COBL: variants seen among roughly 807,000 people sequenced by gnomAD.
COBL encodes protein cordon-bleu.
COBL carries 51 observed loss-of-function variants against 98.8 expected under a neutral mutation model. That is an observed-to-expected ratio of 0.52 (90% CI 0.41 to 0.65). COBL has a LOEUF of 0.65. COBL is among the 30% of genes least tolerant of loss of function. The pLI, the probability that COBL is intolerant of heterozygous loss-of-function variation, is 0.00. For synonymous variants in COBL, 634 were observed against 651.7 expected (o/e 0.97, Z 0.41); for missense variants, 1,617 against 1,617.5 (o/e 1.00, Z 0.01).
chr7:51,254,793 G>GA (rs1188561114), intron 1 of COBL, among the ~76,000 whole-genome samples: 19 of 152,162 alleles, frequency 1.2e-4, no homozygotes, highest in Admixed American at 7.9e-4. Context: ...TGCATAAGGT[G>GA]AAAAACATCA....
intron 1 of COBL, among the ~76,000 whole-genome samples, chr7:51,262,999 C>T (rs1797853256): frequency 6.6e-6 from 1 of 152,174 alleles, no homozygotes; most frequent in Non-Finnish European, 1.5e-5. Context: ...ACGGACGAGC[C>T]TCGTCTCCAC....
At chr7:51,147,811 C>T (rs940569027) in intron 5 of COBL, among the ~76,000 whole-genome samples, 16 of 150,744 alleles carry the variant, frequency 1.1e-4, no homozygotes, top group African/African-American at 3.4e-4. Context: ...AGTGCAGTGG[C>T]GCGATCTCGG....
chr7:51,086,832 T>C (rs896774320), intron 6 of COBL, among the ~76,000 whole-genome samples: 3 of 152,200 alleles, frequency 2.0e-5, no homozygotes, highest in Non-Finnish European at 2.9e-5. Context: ...CCTTCTGTTA[T>C]AGTATATTAT....
chr7:51,028,009 A>T lies in COBL; in HGVS notation c.3087T>A (p.Thr1029=). 3 of 1,602,808 alleles carry T rather than the reference A, an allele frequency of 1.9e-6. No individual in the cohort carries two copies. In the South Asian group the frequency reaches 3.4e-5, roughly 18 times the overall value. Reference sequence around the variant, plus strand: ...TGACCAGCTCCCTGCTGCAGGCCTGAGTGTCAGATGTGTGTGGAGGGGGTG... The same window carrying T: ...TGACCAGCTCCCTGCTGCAGGCCTGTGTGTCAGATGTGTGTGGAGGGGGTG... The part of the protein sequence containing the change: ...TDPPPPHTSD[T]QACSRELVNG... The change falls in exon 10 of 13, where the codon ACT becomes ACA. Residue 1029 remains threonine (T), a synonymous_variant. Coordinates refer to ENST00000265136, the MANE Select transcript of COBL (RefSeq NM_015198.5).
At chr7:51,088,422 T>G (rs1300990625) in intron 6 of COBL, among the ~76,000 whole-genome samples, 1 of 152,152 alleles carries the variant, frequency 6.6e-6, no homozygotes, top group Non-Finnish European at 1.5e-5. Flanking sequence ...TTTTTTGTTT[T>G]TAATTTCCAA....
At chr7:51,208,030 T>C (rs1473190162) in intron 2 of COBL, among the ~76,000 whole-genome samples, 1 of 148,420 alleles carries the variant, frequency 6.7e-6, no homozygotes, top group African/African-American at 2.5e-5. Context: ...GTGAGGAGCA[T>C]CTCTGCCTGG....
At chr7:51,299,603 C>G (rs1435765229) in intron 1 of COBL, among the ~76,000 whole-genome samples, 1 of 152,148 alleles carries the variant, frequency 6.6e-6, no homozygotes, top group Non-Finnish European at 1.5e-5. Flanking sequence ...GGCTGGCAGT[C>G]CTGCTCTGAG....
intron 7 of COBL, among the ~76,000 whole-genome samples, chr7:51,047,233 T>TA (rs1789801999): frequency 6.6e-6 from 1 of 152,256 alleles, no homozygotes; most frequent in African/African-American, 2.4e-5. Context: ...AGAAGCCTAA[T>TA]ATAAATTCAT....
rs1028197147 is a variant in COBL at position 51,187,778 on chromosome 7, C to A, written c.685+3072G>T. On this transcript the variant is annotated intron_variant, in intron 4 of 12. Transcript: ENST00000265136. ...AAATCTCATGTCAGCCTCGCATGCA[C>A]CTTCAGGAGGGCCCCAAGCCAAACT... 5.0e-6 allele frequency: 3 copies of A among 605,418 alleles called. No homozygotes were observed. In the African/African-American group the frequency reaches 5.7e-5, roughly 12 times the overall value. The allele number at this position is 605,418 out of a possible 1,614,324, so 37.5% of individuals were successfully genotyped here.
At chr7:51,093,942 T>C (rs1795045698) in intron 6 of COBL, among the ~76,000 whole-genome samples, 3 of 151,020 alleles carry the variant, frequency 2.0e-5, no homozygotes, top group African/African-American at 7.3e-5. Context: ...TTACCCTAAG[T>C]GGCAATCAAC....
chr7:51,155,323 C>T (rs111328781), intron 5 of COBL, among the ~76,000 whole-genome samples: 7,794 of 152,180 alleles, frequency 0.051, 272 homozygotes, highest in Middle Eastern at 0.11. Flanking sequence ...GGAGCAGTGG[C>T]TCACACCTGT....
intron 2 of COBL, among the ~76,000 whole-genome samples, chr7:51,204,603 G>A (rs1208800088): frequency 6.7e-6 from 1 of 149,178 alleles, no homozygotes; most frequent in African/African-American, 2.5e-5. Flanking sequence ...CCAGGCTGGA[G>A]TGCATGGTGC....
intron 1 of COBL, among the ~76,000 whole-genome samples, chr7:51,296,796 AAGTG>A (rs1477922592): frequency 2.0e-5 from 3 of 152,194 alleles, no homozygotes; most frequent in Admixed American, 6.5e-5. Context: ...AAACCATGTG[AAGTG>A]CGTTACAAAC....
rs568596012 is a variant in COBL at position 51,032,531 on chromosome 7, C to T, written c.1407-1622G>A. 3.9e-5 allele frequency: 6 copies of T among 152,318 alleles called. No homozygotes were observed. In the South Asian group the frequency reaches 1.0e-3, roughly 26 times the overall value. 9.4% of individuals were successfully genotyped at this position (152,318 alleles called of 1,614,324 possible). On this transcript the variant is annotated intron_variant, in intron 8 of 12. Transcript: ENST00000265136. Reference sequence around the variant, plus strand: ...TGAAATAAGCTTTGCACAATCCTCACGTAGCAAAGTTTTTATTCTGATAAA... The same window carrying T: ...TGAAATAAGCTTTGCACAATCCTCATGTAGCAAAGTTTTTATTCTGATAAA...
At chr7:51,303,601 T>A (rs550696733) in intron 1 of COBL, among the ~76,000 whole-genome samples, 1 of 152,216 alleles carries the variant, frequency 6.6e-6, no homozygotes, top group East Asian at 1.9e-4. Flanking sequence ...CTGGTGTTCA[T>A]GAGCACCTAT....
In COBL at chr7:51,255,319, G is replaced by T. The variant is rs370897691; in HGVS notation, c.42-35375C>A. Among the ~76,000 whole-genome samples, 75 of 152,272 alleles carry T rather than the reference G, an allele frequency of 4.9e-4. No homozygotes were observed. In the South Asian group the frequency reaches 0.015, roughly 30 times the overall value. ...CAGAGACAGTAACATCCAACCCATT[G>T]TGTGACTCTTAAGATTCATTCTCTG... is the stretch of plus-strand genomic sequence containing the variant. On this transcript the variant is annotated intron_variant, in intron 1 of 12. Transcript: ENST00000265136.
intron 7 of COBL, among the ~76,000 whole-genome samples, chr7:51,046,558 C>A (rs886566858): frequency 6.6e-6 from 1 of 152,154 alleles, no homozygotes; most frequent in Non-Finnish European, 1.5e-5. Context: ...TCAGCTGGTT[C>A]CGATGATTAA....
At chr7:51,210,894 C>T (rs1249585831) in intron 2 of COBL, among the ~76,000 whole-genome samples, 1 of 152,198 alleles carries the variant, frequency 6.6e-6, no homozygotes, top group Non-Finnish European at 1.5e-5. Flanking sequence ...TCCTTTGATG[C>T]TACTGGAGAA....
chr7:51,025,201 A>G lies in COBL; in HGVS notation c.3676T>C (p.Phe1226Leu). 1 of 1,445,514 alleles carries G rather than the reference A, an allele frequency of 6.9e-7. No individual in the cohort carries two copies. The highest frequency in any genetic ancestry group is 9.3e-7 in the Non-Finnish European group (1 of 1,080,436). 89.5% of individuals were successfully genotyped at this position (1,445,514 alleles called of 1,614,324 possible). ...ALSAPRTASR[F>L]STGTLSNTAD... ...GTGTTGCTGAGGGTGCCCGTGCTGA[A>G]CCTGGAGGCCGTCCTTGGTGCAGAG... Residue 1226 changes from phenylalanine to leucine, a missense_variant, in exon 12 of 13, where the codon TTC becomes CTC. By Grantham distance (22) the Phe-to-Leu change is conservative (BLOSUM62 0). Around this residue, in one of 3 missense-constraint regions of COBL, gnomAD observed 1,304 missense variants for 1,282.0 expected, o/e 1.02. Transcript: ENST00000265136.
Sources: allele counts gnomAD v4.1 joint callset (sites outside exome capture counted in the v4.1 genomes callset), GRCh38; gene constraint gnomAD v4.1.1; regional missense constraint gnomAD v4.1.1; transcripts MANE v1.5; gene names NCBI Gene and HGNC (gene_info 2026-07-23, HGNC 2026-07-21).